The following MNAT1 variants were observed in gnomAD, a reference collection of about 807,000 sequenced individuals.
MNAT1 encodes the protein MNAT1 component of CDK activating kinase.
Under a neutral mutation model 42.0 loss-of-function variants are expected in MNAT1, and 43 were observed. That is an observed-to-expected ratio of 1.02 (90% CI 0.80 to 1.32). MNAT1 has a LOEUF of 1.32. MNAT1 is among the 40% of genes most tolerant of loss of function. MNAT1 has a pLI of 0.00. For missense variants in MNAT1, 306 were observed against 350.4 expected (o/e 0.87, Z 1.01); for synonymous variants, 118 against 120.0 (o/e 0.98, Z 0.11).
At chr14:60,860,354 C>CTTTT (rs11409940) in intron 6 of MNAT1, among the ~76,000 whole-genome samples, 4 of 128,662 alleles carry the variant, frequency 3.1e-5, no homozygotes, top group South Asian at 2.5e-4. Context: ...TTTTTCTTTT[C>CTTTT]TTTTTTTTTT....
chr14:60,812,487 T>A (rs1566776979), intron 5 of MNAT1, among the ~76,000 whole-genome samples: 1 of 152,176 alleles, frequency 6.6e-6, no homozygotes, highest in East Asian at 1.9e-4. Context: ...AGAAACCCCA[T>A]CTCCATGTTG....
At chr14:60,923,421 A>G (rs2035702606) in intron 7 of MNAT1, among the ~76,000 whole-genome samples, 1 of 152,234 alleles carries the variant, frequency 6.6e-6, no homozygotes, top group Admixed American at 6.5e-5. Flanking sequence ...GTTATTATAC[A>G]TATTTAACAA....
In MNAT1 at chr14:60,898,095, T is replaced by TTGTGTGTG. The variant is rs756357048; in HGVS notation, c.809+18299_809+18306dup. Among the ~76,000 whole-genome samples, 152 of 143,774 alleles carry TTGTGTGTG rather than the reference T, an allele frequency of 1.1e-3. 1 individual carries two copies. Among genetic ancestry groups the TTGTGTGTG allele is most frequent in the African/African-American group, 3.7e-3 (139 of 37,118 alleles). The allele number at this position is 143,774 out of a possible 152,430, so 94.3% of individuals were successfully genotyped here. A position where few individuals can be genotyped will look rare whatever the true frequency, so the allele number is the denominator to read the frequency against. Reference sequence around the variant, plus strand: ...CTTTGAATGGCTAAATAGTAATACATTGTGTGTGTGTGTGTGTGTGTGTGT... The same window carrying TTGTGTGTG: ...CTTTGAATGGCTAAATAGTAATACATTGTGTGTGTGTGTGTGTGTGTGTGTGTGTGTGT... On this transcript the variant is annotated intron_variant, in intron 7 of 7. Transcript: ENST00000261245.
intron 1 of MNAT1, among the ~76,000 whole-genome samples, chr14:60,742,243 A>G (rs1009178524): frequency 4.6e-5 from 7 of 151,970 alleles, no homozygotes; most frequent in Non-Finnish European, 8.8e-5. Context: ...GCACTGCCAC[A>G]GCCAGCTAAT....
At chr14:60,846,055 T>C (rs1232617300) in intron 6 of MNAT1, among the ~76,000 whole-genome samples, 1 of 152,136 alleles carries the variant, frequency 6.6e-6, no homozygotes, top group Non-Finnish European at 1.5e-5. Context: ...TCTTTACTAA[T>C]AATAAGCCTA....
intron 1 of MNAT1, among the ~76,000 whole-genome samples, chr14:60,755,388 C>T (rs1476704039): frequency 2.6e-5 from 4 of 152,158 alleles, no homozygotes; most frequent in Admixed American, 1.3e-4. Context: ...ATGATCCACC[C>T]GCCCTGGCCT....
chr14:60,793,798 A>G (rs1177121804), intron 1 of MNAT1, among the ~76,000 whole-genome samples: 1 of 152,188 alleles, frequency 6.6e-6, no homozygotes, highest in Non-Finnish European at 1.5e-5. Flanking sequence ...ACAGAACACA[A>G]TGAAGTAGAA....
At chr14:60,902,346 T>C (rs1257536437) in intron 7 of MNAT1, among the ~76,000 whole-genome samples, 3 of 152,190 alleles carry the variant, frequency 2.0e-5, no homozygotes, top group Non-Finnish European at 4.4e-5. Context: ...CTGAGAATTA[T>C]GCAAGGAATG....
Position 60,968,240 on chromosome 14 carries a change from A to G in MNAT1, c.821A>G (p.His274Arg). ...EMLGRLGYLN[H>R]VRAASPQDLA... ...TTGTTTTGTTTTAGGTATTTAAACCATGTCAGAGCTGCCTCACCACAGGAC... is the reference window on the plus strand; with the variant it reads ...TTGTTTTGTTTTAGGTATTTAAACCGTGTCAGAGCTGCCTCACCACAGGAC... The change falls in exon 8 of 8, where the codon CAT becomes CGT. Residue 274 changes from histidine to arginine, a missense_variant. Around this residue, in one of 3 missense-constraint regions of MNAT1, gnomAD observed 116 missense variants for 139.6 expected, o/e 0.83. Coordinates refer to ENST00000261245, the MANE Select transcript of MNAT1 (RefSeq NM_002431.4). The G allele has an allele frequency of 6.2e-7, 1 of 1,611,898 alleles. No homozygotes were observed.
intron 3 of MNAT1, among the ~76,000 whole-genome samples, chr14:60,804,971 T>C (rs1348506088): frequency 1.3e-5 from 2 of 152,236 alleles, no homozygotes; most frequent in African/African-American, 4.8e-5. Flanking sequence ...CTAGTAGAGC[T>C]CTACATGGGA....
chr14:60,882,646 A>G (rs1040155197), intron 7 of MNAT1, among the ~76,000 whole-genome samples: 1 of 152,076 alleles, frequency 6.6e-6, no homozygotes, highest in Admixed American at 6.6e-5. Context: ...TTGTTTTTTG[A>G]CAAACCTCGA....
intron 1 of MNAT1, among the ~76,000 whole-genome samples, chr14:60,756,447 C>T (rs1271066053): frequency 6.6e-6 from 1 of 151,968 alleles, no homozygotes; most frequent in Non-Finnish European, 1.5e-5. Context: ...AGTGCTTTTC[C>T]CATTACTAAG....
intron 7 of MNAT1, among the ~76,000 whole-genome samples, chr14:60,934,208 A>G (rs985083080): frequency 6.6e-6 from 1 of 152,228 alleles, no homozygotes; most frequent in Non-Finnish European, 1.5e-5. Flanking sequence ...TAAAGAATAT[A>G]CAGTGATAAA....
intron 6 of MNAT1, among the ~76,000 whole-genome samples, chr14:60,828,248 TTA>T (rs1481306704): frequency 6.6e-6 from 1 of 152,176 alleles, no homozygotes; most frequent in Non-Finnish European, 1.5e-5. Flanking sequence ...TATGCCTACA[TTA>T]TAGAGTTCCT....
intron 5 of MNAT1, among the ~76,000 whole-genome samples, chr14:60,815,481 C>G (rs968032109): frequency 3.3e-5 from 5 of 152,162 alleles, no homozygotes; most frequent in Non-Finnish European, 7.3e-5. Flanking sequence ...TCCCAAAGTG[C>G]TGGGGTTACT....
chr14:60,765,049 G>A (rs1440680688), intron 1 of MNAT1, among the ~76,000 whole-genome samples: 7 of 152,094 alleles, frequency 4.6e-5, no homozygotes, highest in African/African-American at 1.4e-4. Flanking sequence ...TCAGGAGTTC[G>A]AGACCAGCCC....
At chr14:60,904,373 T>A (rs958059841) in intron 7 of MNAT1, among the ~76,000 whole-genome samples, 3 of 152,216 alleles carry the variant, frequency 2.0e-5, no homozygotes, top group Non-Finnish European at 4.4e-5. Flanking sequence ...TAGTATTTGT[T>A]TTTTTGTTTG....
intron 6 of MNAT1, among the ~76,000 whole-genome samples, chr14:60,855,489 C>T (rs1346159098): frequency 2.0e-5 from 3 of 152,198 alleles, no homozygotes; most frequent in Non-Finnish European, 2.9e-5. Context: ...TTGCAAAAAC[C>T]GTGGGAAAAG....
intron 1 of MNAT1, among the ~76,000 whole-genome samples, chr14:60,746,475 A>C (rs1199287132): frequency 6.6e-6 from 1 of 151,530 alleles, no homozygotes; most frequent in Non-Finnish European, 1.5e-5. Flanking sequence ...AGACCGCACC[A>C]CTGCACTCCA....
Sources: allele counts gnomAD v4.1 joint callset (sites outside exome capture counted in the v4.1 genomes callset), GRCh38; gene constraint gnomAD v4.1.1; regional missense constraint gnomAD v4.1.1; transcripts MANE v1.5; gene names NCBI Gene and HGNC (gene_info 2026-07-23, HGNC 2026-07-21).